The following GLB1 variants were observed in gnomAD, a reference collection of about 807,000 sequenced individuals.
GLB1 encodes galactosidase beta 1.
GLB1 carries 56 observed loss-of-function variants against 74.0 expected under a neutral mutation model. The ratio of observed to expected loss-of-function variants is 0.76; its 90% CI spans 0.61 to 0.94. GLB1 has a LOEUF of 0.94. GLB1 is among the 40% of genes least tolerant of loss of function. The pLI is 0.00. For synonymous variants in GLB1, 323 were observed against 323.6 expected (o/e 1.00, Z 0.02); for missense variants, 787 against 845.5 (o/e 0.93, Z 0.86).
At chr3:33,076,199 G>C (rs1433517949) in intron 1 of GLB1, among the ~76,000 whole-genome samples, 1 of 152,242 alleles carries the variant, frequency 6.6e-6, no homozygotes, top group Non-Finnish European at 1.5e-5. Context: ...CCAAGGCCTA[G>C]GATAAAGCGA....
chr3:33,019,297 T>A (rs140055912), intron 12 of GLB1, among the ~76,000 whole-genome samples: 559 of 152,348 alleles, frequency 3.7e-3, no homozygotes, highest in Middle Eastern at 0.014. Context: ...CCTCAAACAA[T>A]CAGCCTCAGC....
At chr3:33,011,945 G>A (rs947102383) in intron 15 of GLB1, among the ~76,000 whole-genome samples, 1 of 152,172 alleles carries the variant, frequency 6.6e-6, no homozygotes, top group Non-Finnish European at 1.5e-5. Context: ...TGATTCCCAA[G>A]GGCCTCCTTG....
intron 5 of GLB1, among the ~76,000 whole-genome samples, chr3:33,061,213 C>T (rs1406917690): frequency 6.6e-6 from 1 of 152,110 alleles, no homozygotes; most frequent in Non-Finnish European, 1.5e-5. Context: ...GAGTTTGAAA[C>T]CAGCCTGGCC....
In GLB1 at chr3:32,996,855, C is replaced by T; in HGVS notation, c.*190G>A. The stretch of plus-strand genomic sequence containing the variant: ...ATGCACGTTACTGTGCTGTCAGCCC[C>T]TCACACATTCCAGGTGGTCCCTGAA... On this transcript the variant is annotated 3_prime_UTR_variant, in exon 16 of 16. Coordinates refer to ENST00000307363, the MANE Select transcript of GLB1 (RefSeq NM_000404.4). The T allele has an allele frequency of 1.0e-6, 1 of 999,016 alleles. No individual in the cohort carries two copies. The highest frequency in any genetic ancestry group is 1.5e-6 in the Non-Finnish European group (1 of 681,884). The allele number at this position is 999,016 out of a possible 1,614,324, so 61.9% of individuals were successfully genotyped here. A position where few individuals can be genotyped will look rare whatever the true frequency, so the allele number is the denominator to read the frequency against.
chr3:33,090,885 G>T (rs114462916), intron 1 of GLB1: 1 of 985,206 alleles, frequency 1.0e-6, no homozygotes, highest in South Asian at 4.7e-5. Flanking sequence ...ACCACACAAT[G>T]ATGGCATTCA....
At chr3:33,016,545 TCTCA>T (rs1234633481) in intron 14 of GLB1, among the ~76,000 whole-genome samples, 160 bp downstream of exon 14, 2 of 152,156 alleles carry the variant, frequency 1.3e-5, no homozygotes, top group East Asian at 1.9e-4. Context: ...TTTGTAGAGG[TCTCA>T]CTATTTTACC....
chr3:32,961,572 T>C, the GLB1 span, among the ~76,000 whole-genome samples: 9 of 152,120 alleles, frequency 5.9e-5, no homozygotes, highest in African/African-American at 1.9e-4. Flanking sequence ...AAGAGAGCCA[T>C]CGGGTTGTGA....
chr3:33,059,182 CCA>C (rs1257985803), intron 5 of GLB1, among the ~76,000 whole-genome samples: 1 of 151,498 alleles, frequency 6.6e-6, no homozygotes, highest in Admixed American at 6.6e-5. Context: ...GGTAGCATCC[CCA>C]AGGGGGTAAA....
the GLB1 span, among the ~76,000 whole-genome samples, chr3:32,978,055 C>T: frequency 1.9e-4 from 29 of 152,098 alleles, 1 homozygote; most frequent in Admixed American, 6.5e-5. Flanking sequence ...GACTATACAC[C>T]GCAGAAGGTA....
Position 33,001,158 on chromosome 3 carries a change from TCTC to T in GLB1, c.1735-3817_1735-3815del, listed in dbSNP as rs141267682. On this transcript the variant is annotated intron_variant, in intron 15 of 15. Coordinates refer to ENST00000307363, the MANE Select transcript of GLB1 (RefSeq NM_000404.4). ...TCCTTCTTGTTCTTCCTTTCTCTCTTCTCTTCTCCTCTCCTCTTCTCCTTCTCC... is the reference window on the plus strand; with the variant it reads ...TCCTTCTTGTTCTTCCTTTCTCTCTTTTCTCCTCTCCTCTTCTCCTTCTCC... Among the ~76,000 whole-genome samples, 93 of 151,772 alleles carry T rather than the reference TCTC, an allele frequency of 6.1e-4. No individual in the cohort carries two copies. In the East Asian group the frequency reaches 0.016, roughly 27 times the overall value.
chr3:33,076,830 G>C (rs1185197653), intron 1 of GLB1, among the ~76,000 whole-genome samples: 1 of 152,198 alleles, frequency 6.6e-6, no homozygotes, highest in East Asian at 1.9e-4. Flanking sequence ...TAAATACAGA[G>C]AAAGAGTCAA....
intron 10 of GLB1, among the ~76,000 whole-genome samples, chr3:33,039,587 G>GA (rs1373481414): frequency 6.6e-6 from 1 of 152,138 alleles, no homozygotes; most frequent in East Asian, 1.9e-4. Flanking sequence ...ATGTTCGGGG[G>GA]AAAGGATAGA....
At chr3:33,018,709 A>G in intron 12 of GLB1, 148 bp from the exon 13 acceptor site, 1 of 824,496 alleles carries the variant, frequency 1.2e-6, no homozygotes. Flanking sequence ...AAATTTGAAA[A>G]AGGAAACTGG....
intron 1 of GLB1, chr3:33,092,934 G>GTGCCTGGGCTGACA (rs775680556): frequency 6.2e-7 from 1 of 1,614,216 alleles, no homozygotes; most frequent in South Asian, 1.1e-5. Flanking sequence ...ATACACGAAT[G>GTGCCTGGGCTGACA]TAGCCTGGGC....
chr3:33,064,044 A>G (rs1175500616), intron 5 of GLB1, among the ~76,000 whole-genome samples: 1 of 152,126 alleles, frequency 6.6e-6, no homozygotes, highest in Non-Finnish European at 1.5e-5. Flanking sequence ...GTTCATAAGA[A>G]GGAAGCCTGG....
chr3:33,035,221 C>A (rs1698219125), intron 10 of GLB1, among the ~76,000 whole-genome samples: 1 of 152,028 alleles, frequency 6.6e-6, no homozygotes, highest in African/African-American at 2.4e-5. Flanking sequence ...TGCTTGAGGT[C>A]AGGAGTTCGA....
rs63579460 is a variant in GLB1 at position 33,067,002 on chromosome 3, C to CTTT, written c.457+1225_457+1227dup. Among the ~76,000 whole-genome samples the CTTT allele has an allele frequency of 1.2e-3, 164 of 135,430 alleles. 3 individuals are homozygous for CTTT. The highest frequency in any genetic ancestry group is 3.8e-3 in the South Asian group (16 of 4,260). 88.8% of individuals were successfully genotyped at this position (135,430 alleles called of 152,430 possible). A position where few individuals can be genotyped will look rare whatever the true frequency, so the allele number is the denominator to read the frequency against. ...AGAAACTGTCATTTTGTTTTTATTT[C>CTTT]TTTTTTTTTTTTTTTTTGAGACAGA... On this transcript the variant is annotated intron_variant, in intron 4 of 15. Transcript: ENST00000307363.
rs555982301 is a variant in GLB1 at position 33,058,151 on chromosome 3, T to C, written c.671A>G (p.His224Arg). ...DVVLFTTDGA[H>R]KTFLKCGALQ... ...GGCCCCACATTTCAGGAATGTTTTA[T>C]GTGCTCCATCAGTGGTAAACAGAAC... The change falls in exon 6 of 16, where the codon CAT becomes CGT. Residue 224 changes from histidine (H) to arginine (R), a missense_variant. His to Arg is a conservative substitution (Grantham distance 29). Coordinates refer to ENST00000307363, the MANE Select transcript of GLB1 (RefSeq NM_000404.4). 1.2e-6 allele frequency: 2 copies of C among 1,614,156 alleles called. No individual in the cohort carries two copies. The highest frequency in any genetic ancestry group is 1.1e-5 in the South Asian group (1 of 91,082).
At chr3:32,996,104 A>G (rs1696305726), downstream of GLB1, among the ~76,000 whole-genome samples, 1 of 152,198 alleles carries the variant, frequency 6.6e-6, no homozygotes, top group Non-Finnish European at 1.5e-5. Context: ...AACCGGCAGG[A>G]TGACAGTATA....
Sources: allele counts gnomAD v4.1 joint callset (sites outside exome capture counted in the v4.1 genomes callset), GRCh38; gene constraint gnomAD v4.1.1; transcripts MANE v1.5; gene names NCBI Gene and HGNC (gene_info 2026-07-23, HGNC 2026-07-21).